The following MAST4 variants were observed in gnomAD, a reference collection of about 807,000 sequenced individuals.
MAST4 encodes microtubule-associated serine/threonine-protein kinase 4.
MAST4 carries 89 observed loss-of-function variants against 162.7 expected under a neutral mutation model. The observed-to-expected ratio is 0.55, with a 90% CI of 0.46 to 0.65. MAST4 has a LOEUF of 0.65. Ranked by LOEUF, MAST4 falls within the 30% of genes least tolerant of loss-of-function variation. MAST4 has a pLI of 0.00. For synonymous variants in MAST4, 1,479 were observed against 1,361.1 expected, an observed-to-expected ratio of 1.09 and a Z score of -1.91; for missense variants, 3,153 against 3,374.0, an observed-to-expected ratio of 0.93 and a Z score of 1.62.
intron 1 of MAST4, among the ~76,000 whole-genome samples, chr5:66,714,424 G>A (rs1750689633): frequency 6.6e-6 from 1 of 152,160 alleles, no homozygotes; most frequent in Admixed American, 6.5e-5. Flanking sequence ...GAACTGAGAA[G>A]AACAGACCTC....
chr5:66,656,691 A>G (rs1746572751), intron 1 of MAST4, among the ~76,000 whole-genome samples: 1 of 152,220 alleles, frequency 6.6e-6, no homozygotes, highest in Non-Finnish European at 1.5e-5. Flanking sequence ...TTATTGGCTA[A>G]AAGAATGCTT....
chr5:66,749,804 G>A (rs1580358152), intron 1 of MAST4, among the ~76,000 whole-genome samples: 1 of 152,240 alleles, frequency 6.6e-6, no homozygotes, highest in African/African-American at 2.4e-5. Context: ...GTAAGTGTCA[G>A]CTCTCATCTG....
intron 1 of MAST4, among the ~76,000 whole-genome samples, chr5:66,629,275 T>C (rs1744645248): frequency 6.6e-6 from 1 of 152,218 alleles, no homozygotes; most frequent in Non-Finnish European, 1.5e-5. Context: ...AGAAGGCTTG[T>C]TGCAAATTCT....
chr5:66,940,292 A>T (rs968596000), intron 4 of MAST4, among the ~76,000 whole-genome samples: 4 of 152,098 alleles, frequency 2.6e-5, no homozygotes, highest in Non-Finnish European at 4.4e-5. Flanking sequence ...CAATTTCTTG[A>T]AATAATTCAA....
At chr5:66,841,045 C>G (rs1340125683) in intron 3 of MAST4, among the ~76,000 whole-genome samples, 2 of 152,126 alleles carry the variant, frequency 1.3e-5, no homozygotes, top group African/African-American at 4.8e-5. Context: ...CTTGGGCATG[C>G]TGTTTTCTTC....
intron 10 of MAST4, among the ~76,000 whole-genome samples, chr5:67,107,894 T>C (rs1017236132): frequency 1.3e-5 from 2 of 152,234 alleles, no homozygotes; most frequent in Non-Finnish European, 2.9e-5. Context: ...TGTTTTGTAG[T>C]GGCCAACCCT....
In MAST4 at chr5:67,165,860, T is replaced by G; in HGVS notation, c.6681T>G (p.Pro2227=). ...TCGGGGCCACAAAGGGCAAAGAGCCTGCCACTCAGTCCCTCGGTGGCTCTA... is the reference window on the plus strand; with the variant it reads ...TCGGGGCCACAAAGGGCAAAGAGCCGGCCACTCAGTCCCTCGGTGGCTCTA... The part of the protein sequence containing the change: ...PSVGATKGKE[P]ATQSLGGSSR... The change falls in exon 29 of 29, where the codon CCT becomes CCG. Residue 2227 remains proline, a synonymous_variant. Coordinates refer to ENST00000403625, the MANE Select transcript of MAST4 (RefSeq NM_001164664.2). 2 of 1,613,288 alleles carry G rather than the reference T, an allele frequency of 1.2e-6. No homozygotes were observed. Among genetic ancestry groups the G allele is most frequent in the Non-Finnish European group, 1.7e-6 (2 of 1,179,892 alleles).
intron 26 of MAST4, 87 bp downstream of exon 26, chr5:67,153,667 AC>A: frequency 8.0e-7 from 1 of 1,249,252 alleles, no homozygotes; most frequent in Non-Finnish European, 1.1e-6. Flanking sequence ...CCTGTGTCAC[AC>A]CCATGTCTGA....
chr5:66,775,927 A>G (rs1394496275), intron 2 of MAST4, among the ~76,000 whole-genome samples: 3 of 152,218 alleles, frequency 2.0e-5, no homozygotes, highest in Non-Finnish European at 4.4e-5. Context: ...AGACAAAAAT[A>G]TTACATTCTT....
rs191732567 is a variant in MAST4, at chr5:67,048,963, C to A, written c.675-5441C>A. Among the ~76,000 whole-genome samples, 456 of 136,182 alleles carry A rather than the reference C, an allele frequency of 3.3e-3. 4 individuals are homozygous for A. Among genetic ancestry groups the A allele is most frequent in the African/African-American group, 0.012 (438 of 35,650 alleles). The allele number at this position is 136,182 out of a possible 152,430, so 89.3% of individuals were successfully genotyped here. A position where few individuals can be genotyped will look rare whatever the true frequency, so the allele number is the denominator to read the frequency against. ...AGCACACACATATAGTGTGGTTATA[C>A]ATATAGCATATATATATATATATGT... On this transcript the variant is annotated intron_variant, in intron 4 of 28. Transcript: ENST00000403625.
chr5:67,071,445 A>G (rs1025892517), intron 5 of MAST4, among the ~76,000 whole-genome samples: 3 of 152,108 alleles, frequency 2.0e-5, no homozygotes, highest in African/African-American at 7.2e-5. Context: ...TTTCCTGGAA[A>G]AGTCACTTAA....
At chr5:66,993,170 A>T (rs569654992) in intron 4 of MAST4, among the ~76,000 whole-genome samples, 1 of 152,362 alleles carries the variant, frequency 6.6e-6, no homozygotes, top group East Asian at 1.9e-4. Context: ...CATTACGAAG[A>T]TTGTCAATAA....
chr5:66,628,345 T>TC (rs1325342088), intron 1 of MAST4, among the ~76,000 whole-genome samples: 3 of 149,228 alleles, frequency 2.0e-5, no homozygotes, highest in African/African-American at 4.9e-5. Context: ...TTTTTCTTTT[T>TC]TTTTTTTTTT....
At chr5:66,835,154 T>C (rs140429848) in intron 3 of MAST4, among the ~76,000 whole-genome samples, 1 of 152,350 alleles carries the variant, frequency 6.6e-6, no homozygotes, top group East Asian at 1.9e-4. Context: ...GAAAACATCT[T>C]TGTGCTTTTT....
At chr5:67,033,251 A>G (rs1313877152) in intron 4 of MAST4, among the ~76,000 whole-genome samples, 1 of 151,018 alleles carries the variant, frequency 6.6e-6, no homozygotes, top group Non-Finnish European at 1.5e-5. Context: ...TAACATTAAA[A>G]TAACAGTGAA....
At chr5:66,980,058 C>T (rs930794674) in intron 4 of MAST4, among the ~76,000 whole-genome samples, 3 of 152,216 alleles carry the variant, frequency 2.0e-5, no homozygotes, top group Non-Finnish European at 4.4e-5. Context: ...TTCCTAACTT[C>T]AAGCTACTTG....
chr5:66,875,875 C>T (rs1250547976), intron 3 of MAST4, among the ~76,000 whole-genome samples: 1 of 152,164 alleles, frequency 6.6e-6, no homozygotes, highest in African/African-American at 2.4e-5. Flanking sequence ...GATCCTCATG[C>T]CTCAGACTCC....
chr5:66,791,988 T>C (rs1755433550), intron 3 of MAST4, among the ~76,000 whole-genome samples: 1 of 152,206 alleles, frequency 6.6e-6, no homozygotes, highest in African/African-American at 2.4e-5. Flanking sequence ...TGACCTTTCC[T>C]GCTTTTGGTA....
At chr5:66,649,886 A>G (rs1746103301) in intron 1 of MAST4, among the ~76,000 whole-genome samples, 1 of 152,150 alleles carries the variant, frequency 6.6e-6, no homozygotes, top group Non-Finnish European at 1.5e-5. Context: ...CAATACTGCC[A>G]TCTCATACAC....
Sources: allele counts gnomAD v4.1 joint callset (sites outside exome capture counted in the v4.1 genomes callset), GRCh38; gene constraint gnomAD v4.1.1; transcripts MANE v1.5; gene names NCBI Gene and HGNC (gene_info 2026-07-23, HGNC 2026-07-21).